DOK6: variants seen among roughly 807,000 people sequenced by gnomAD.
DOK6 encodes downstream of tyrosine kinase 6.
Under a neutral mutation model 44.0 loss-of-function variants are expected in DOK6, and 22 were observed. The ratio of observed to expected loss-of-function variants is 0.50; its 90% CI spans 0.36 to 0.71. The LOEUF (loss-of-function observed/expected upper bound fraction) is 0.71, where lower values mean the gene tolerates loss of function less well. Among genes scored for constraint, DOK6 ranks in the 30% least tolerant of loss-of-function variants. The pLI is 0.00. For synonymous variants in DOK6, 166 were observed against 145.5 expected (o/e 1.14, Z -1.01); for missense variants, 340 against 416.4 (o/e 0.82, Z 1.60).
In DOK6 at chr18:69,524,972, G is replaced by T. The variant is rs928181843; in HGVS notation, c.67-39515G>T. 3.1e-5 allele frequency among the ~76,000 whole-genome samples: 4 copies of T among 130,800 alleles called. No homozygotes were observed. The South Asian group carries it at 6.7e-4, about 22-fold the overall frequency. The allele number at this position is 130,800 out of a possible 152,430, so 85.8% of individuals were successfully genotyped here. ...TTTTAATAAATGGATATTAAATGAA[G>T]ATTTTCAGTAAAAAAACATTAATTT... On this transcript the variant is annotated intron_variant, in intron 1 of 7. Coordinates refer to ENST00000382713, the MANE Select transcript of DOK6 (RefSeq NM_152721.6).
chr18:69,797,980 G>A (rs1044451630), intron 7 of DOK6, among the ~76,000 whole-genome samples: 5 of 152,066 alleles, frequency 3.3e-5, no homozygotes, highest in Admixed American at 2.0e-4. Flanking sequence ...ATTCAAAGCC[G>A]AATCTAATCA....
intron 4 of DOK6, among the ~76,000 whole-genome samples, chr18:69,696,230 G>A (rs1986386506): frequency 6.6e-6 from 1 of 151,968 alleles, no homozygotes; most frequent in Non-Finnish European, 1.5e-5. Context: ...GCTAACATTT[G>A]AGCACACAAA....
Position 69,437,551 on chromosome 18 carries a change from C to A in DOK6, c.66+36241C>A, listed in dbSNP as rs145263642. Among the ~76,000 whole-genome samples, 15 of 152,244 alleles carry A rather than the reference C, an allele frequency of 9.9e-5. No homozygotes were observed. In the East Asian group the frequency reaches 2.7e-3, roughly 27 times the overall value. ...TTGGTACCAGTACCAGTACCAGTACCAGGCTGTTTTGGTTACTGTAGCCTT... is the reference window on the plus strand; with the variant it reads ...TTGGTACCAGTACCAGTACCAGTACAAGGCTGTTTTGGTTACTGTAGCCTT... On this transcript the variant is annotated intron_variant, in intron 1 of 7. Coordinates refer to ENST00000382713, the MANE Select transcript of DOK6 (RefSeq NM_152721.6).
Position 69,550,631 on chromosome 18 carries a change from T to C in DOK6, c.67-13856T>C, listed in dbSNP as rs551732651. ...TTGAGAAAGCTTCTTGAGAAAAATATGAGGAAAATTATGAAGTGTATGGAG... is the reference window on the plus strand; with the variant it reads ...TTGAGAAAGCTTCTTGAGAAAAATACGAGGAAAATTATGAAGTGTATGGAG... On this transcript the variant is annotated intron_variant, in intron 1 of 7. Coordinates refer to ENST00000382713, the MANE Select transcript of DOK6 (RefSeq NM_152721.6). Among the ~76,000 whole-genome samples, 3 of 152,266 alleles carry C rather than the reference T, an allele frequency of 2.0e-5. No homozygotes were observed. In the East Asian group the frequency reaches 5.8e-4, roughly 29 times the overall value.
chr18:69,570,754 T>G (rs1983094717), intron 2 of DOK6, among the ~76,000 whole-genome samples: 1 of 152,062 alleles, frequency 6.6e-6, no homozygotes. Flanking sequence ...CTGTGGGACA[T>G]CTTTAGGATG....
At chr18:69,676,778 T>C (rs1449672718) in intron 3 of DOK6, among the ~76,000 whole-genome samples, 2 of 152,206 alleles carry the variant, frequency 1.3e-5, no homozygotes, top group Non-Finnish European at 2.9e-5. Context: ...TGACCAATGA[T>C]TTGAGGCACA....
intron 2 of DOK6, among the ~76,000 whole-genome samples, chr18:69,597,909 A>G (rs1983783505): frequency 1.3e-5 from 2 of 152,230 alleles, no homozygotes; most frequent in South Asian, 2.1e-4. Context: ...AGATTCAGAA[A>G]CCACAAATAA....
chr18:69,494,854 C>G (rs1980836633), intron 1 of DOK6, among the ~76,000 whole-genome samples: 2 of 152,226 alleles, frequency 1.3e-5, no homozygotes, highest in South Asian at 4.1e-4. Context: ...ACAGAAACCT[C>G]TGTGGCCAGT....
At chr18:69,791,946 A>T (rs967011421) in intron 7 of DOK6, among the ~76,000 whole-genome samples, 1 of 152,062 alleles carries the variant, frequency 6.6e-6, no homozygotes, top group East Asian at 1.9e-4. Context: ...AGAGATAAGG[A>T]TCTAGTTTCA....
chr18:69,781,997 G>A (rs1599322972), intron 7 of DOK6, among the ~76,000 whole-genome samples: 3 of 151,964 alleles, frequency 2.0e-5, no homozygotes, highest in Non-Finnish European at 2.9e-5. Context: ...TTAGCTTAGG[G>A]CAACTAAGAA....
At chr18:69,671,627 C>T (rs1985800942) in intron 3 of DOK6, among the ~76,000 whole-genome samples, 1 of 152,082 alleles carries the variant, frequency 6.6e-6, no homozygotes, top group African/African-American at 2.4e-5. Context: ...AGTAGGGAAC[C>T]ATGTCAGGTA....
chr18:69,712,671 C>A (rs970068453), intron 5 of DOK6, among the ~76,000 whole-genome samples: 1 of 152,012 alleles, frequency 6.6e-6, no homozygotes. Flanking sequence ...ATGGCGAAAC[C>A]CCCCATCTCT....
intron 7 of DOK6, among the ~76,000 whole-genome samples, chr18:69,834,480 T>C (rs1486939589): frequency 2.6e-5 from 4 of 152,144 alleles, no homozygotes; most frequent in African/African-American, 9.7e-5. Context: ...AGATAAATTA[T>C]AGTTAACAAT....
At chr18:69,626,733 G>T (rs563718222) in intron 3 of DOK6, among the ~76,000 whole-genome samples, 5 of 152,168 alleles carry the variant, frequency 3.3e-5, no homozygotes, top group Non-Finnish European at 5.9e-5. Context: ...CCCTCTCACA[G>T]AGACTGAGAA....
At chr18:69,425,092 A>C (rs1978600238) in intron 1 of DOK6, among the ~76,000 whole-genome samples, 1 of 152,170 alleles carries the variant, frequency 6.6e-6, no homozygotes, top group African/African-American at 2.4e-5. Flanking sequence ...TGGAAGCAGG[A>C]GTACTATATA....
At chr18:69,809,595 C>CACACACACACAA (rs1491014427) in intron 7 of DOK6, among the ~76,000 whole-genome samples, 1 of 120,058 alleles carries the variant, frequency 8.3e-6, no homozygotes, top group African/African-American at 2.9e-5. Flanking sequence ...CACACACACA[C>CACACACACACAA]AAAAGAAAGA....
At chr18:69,470,960 T>A (rs186608005) in intron 1 of DOK6, among the ~76,000 whole-genome samples, 3 of 151,926 alleles carry the variant, frequency 2.0e-5, no homozygotes, top group Non-Finnish European at 4.4e-5. Flanking sequence ...TTTTTTAAAG[T>A]GTGATGTAGC....
At chr18:69,463,261 C>T (rs986509440) in intron 1 of DOK6, among the ~76,000 whole-genome samples, 2 of 152,216 alleles carry the variant, frequency 1.3e-5, no homozygotes, top group South Asian at 2.1e-4. Flanking sequence ...ACCTAATAAC[C>T]TCCCCAGGGC....
chr18:69,745,046 C>T (rs1355889406), intron 6 of DOK6, among the ~76,000 whole-genome samples: 1 of 151,674 alleles, frequency 6.6e-6, no homozygotes, highest in Non-Finnish European at 1.5e-5. Context: ...TTTATCTAAC[C>T]AGTGGTGTTC....
Sources: allele counts gnomAD v4.1 joint callset (sites outside exome capture counted in the v4.1 genomes callset), GRCh38; gene constraint gnomAD v4.1.1; transcripts MANE v1.5; gene names NCBI Gene and HGNC (gene_info 2026-07-23, HGNC 2026-07-21).